Variants in COL4A5 observed in about 807,000 individuals in gnomAD.
The protein encoded by COL4A5 is collagen type IV alpha 5 chain.
Under a neutral mutation model 130.2 loss-of-function variants are expected in COL4A5, and 26 were observed. That is an observed-to-expected ratio of 0.20 (90% CI 0.15 to 0.28). The LOEUF (loss-of-function observed/expected upper bound fraction) is 0.28. COL4A5 is among the 10% of genes least tolerant of loss of function. COL4A5 has a pLI of 1.00. For missense variants in COL4A5, 1,131 were observed against 1,344.3 expected (o/e 0.84, Z 2.48); for synonymous variants, 496 against 439.6 (o/e 1.13, Z -1.60).
rs190847404 is a variant in COL4A5, at chrX:108,627,086, T to A, written c.3246+737T>A. 242 of 650,849 alleles carry A rather than the reference T, an allele frequency of 3.7e-4. No homozygotes were observed. The African/African-American group carries it at 5.5e-3, about 15-fold the overall frequency. 53.6% of individuals were successfully genotyped at this position (650,849 alleles called of 1,213,427 possible). A position where few individuals can be genotyped will look rare whatever the true frequency, so the allele number is the denominator to read the frequency against. On this transcript the variant is annotated intron_variant, in intron 36 of 52. Coordinates refer to ENST00000328300, the MANE Select transcript of COL4A5 (RefSeq NM_033380.3). ...TCTTTTAATATTATATAAAAATACT[T>A]TATTTTGATCATCTAATTGATCAAT...
chrX:108,464,496 C>A (rs1299286931), intron 1 of COL4A5, among the ~76,000 whole-genome samples: 1 of 111,638 alleles, frequency 9.0e-6, no homozygotes, highest in Non-Finnish European at 1.9e-5. Context: ...AATTACCTTG[C>A]ACATTTTTAT....
chrX:108,520,088 A>G (rs1009407560), intron 1 of COL4A5, among the ~76,000 whole-genome samples: 4 of 111,179 alleles, frequency 3.6e-5, no homozygotes, highest in Non-Finnish European at 7.6e-5. Context: ...ATATTTTTGC[A>G]TCTGTATTCA....
At chrX:108,488,051 G>T (rs2064963710) in intron 1 of COL4A5, among the ~76,000 whole-genome samples, 1 of 111,786 alleles carries the variant, frequency 8.9e-6, no homozygotes, top group African/African-American at 3.2e-5. Context: ...CATTCATGTG[G>T]TTCAGAATTT....
At chrX:108,473,595 T>TTATATATATATATATGTATATATATATA (rs1569474829) in intron 1 of COL4A5, among the ~76,000 whole-genome samples, 4 of 59,560 alleles carry the variant, frequency 6.7e-5, no homozygotes, top group Non-Finnish European at 1.1e-4. Flanking sequence ...ATATAAAGTT[T>TTATATATATATATATGTATATATATATA]TATATATATA....
intron 49 of COL4A5, among the ~76,000 whole-genome samples, chrX:108,688,850 T>C (rs1035647697): frequency 1.8e-5 from 2 of 111,734 alleles, no homozygotes; most frequent in Non-Finnish European, 3.8e-5. Context: ...GAGATCTCAT[T>C]GTCTGGGCCA....
chrX:108,451,548 G>C (rs1373723979), intron 1 of COL4A5, among the ~76,000 whole-genome samples: 1 of 111,133 alleles, frequency 9.0e-6, no homozygotes, highest in African/African-American at 3.3e-5. Context: ...TAACTGGTGT[G>C]AGATGGTATC....
intron 15 of COL4A5, 35 bp from the exon 16 acceptor site, chrX:108,580,948 A>G: frequency 8.5e-7 from 1 of 1,172,219 alleles, no homozygotes; most frequent in East Asian, 3.0e-5. Flanking sequence ...TAACAAATGT[A>G]TGTTGTTGCC....
intron 1 of COL4A5, among the ~76,000 whole-genome samples, chrX:108,482,569 T>G (rs143676881): frequency 1.4e-3 from 161 of 111,285 alleles, no homozygotes; most frequent in Non-Finnish European, 2.5e-3. Context: ...TATCAGGGTC[T>G]CCCCACACAT....
intron 1 of COL4A5, among the ~76,000 whole-genome samples, chrX:108,451,969 A>T (rs924241540): frequency 2.7e-5 from 3 of 111,929 alleles, no homozygotes; most frequent in Non-Finnish European, 5.6e-5. Flanking sequence ...TCTAACATTT[A>T]AGTCTTTAAT....
In COL4A5 at chrX:108,666,400, A is replaced by T. The variant is rs936537784; in HGVS notation, c.3455-96A>T. 6 of 608,723 alleles carry T rather than the reference A, an allele frequency of 9.9e-6. No homozygotes were observed. In the Admixed American group the frequency reaches 1.6e-4, roughly 17 times the overall value. 50.2% of individuals were successfully genotyped at this position (608,723 alleles called of 1,213,427 possible). On this transcript the variant is annotated intron_variant, in intron 38 of 52. Coordinates refer to ENST00000328300, the MANE Select transcript of COL4A5 (RefSeq NM_033380.3). The stretch of plus-strand genomic sequence containing the variant: ...TGATCCAAAGGAGTGTCTCAAAAGC[A>T]CCTTGTTTCTTTTGGATAAAGAAGG...
intron 16 of COL4A5, chrX:108,582,621 A>T (rs758535602): frequency 1.5e-4 from 53 of 347,866 alleles, no homozygotes; most frequent in African/African-American, 1.3e-3. Context: ...TTAAAATGCC[A>T]TAAATCTCTG....
At chrX:108,544,645 C>CT (rs770531604) in intron 2 of COL4A5, among the ~76,000 whole-genome samples, 10,116 of 105,855 alleles carry the variant, frequency 0.096, 1,128 homozygotes, top group African/African-American at 0.31. Flanking sequence ...GGAGGATTCC[C>CT]TTTTTTTTTT....
At position 108,697,195 on chromosome X, in the gene COL4A5, C is replaced by T. The variant is rs2068749935; in HGVS notation, c.*817C>T. 9.0e-6 allele frequency: 1 copy of T among 110,842 alleles called. No homozygotes were observed. The highest frequency in any genetic ancestry group is 1.9e-5 in the Non-Finnish European group (1 of 52,952). 9.1% of individuals were successfully genotyped at this position (110,842 alleles called of 1,213,427 possible). ...AGATTATCTCTTAAGACCATATGCC[C>T]CCTGTTTTAATGTTTCTTACATCTT... On this transcript the variant is annotated 3_prime_UTR_variant, in exon 53 of 53. Transcript: ENST00000328300.
intron 31 of COL4A5, 98 bp from the exon 32 acceptor site, chrX:108,621,705 C>T: frequency 3.0e-6 from 2 of 668,260 alleles, no homozygotes; most frequent in Non-Finnish European, 4.8e-6. Flanking sequence ...TGCCTTACGT[C>T]CAACCCTCAA....
chrX:108,575,252 A>G (rs996075573), intron 9 of COL4A5, among the ~76,000 whole-genome samples: 1 of 111,443 alleles, frequency 9.0e-6, no homozygotes, highest in East Asian at 2.8e-4. Context: ...TCTGTCTTTA[A>G]TCTTATCTAT....
chrX:108,614,883 A>G (rs1054525398), intron 29 of COL4A5, 28 bp from the exon 30 acceptor site: 1 of 1,053,486 alleles, frequency 9.5e-7, no homozygotes, highest in East Asian at 3.0e-5. Context: ...GTTGCTTTTA[A>G]TATTTAAACT....
intron 1 of COL4A5, among the ~76,000 whole-genome samples, chrX:108,533,401 ATCT>A (rs2065412337): frequency 8.9e-6 from 1 of 111,816 alleles, no homozygotes; most frequent in Non-Finnish European, 1.9e-5. Flanking sequence ...AAAGACTTAA[ATCT>A]TCTTTTGCAC....
intron 1 of COL4A5, among the ~76,000 whole-genome samples, chrX:108,468,675 T>C (rs1256973599): frequency 9.1e-6 from 1 of 110,128 alleles, no homozygotes; most frequent in Non-Finnish European, 1.9e-5. Flanking sequence ...TGGGTTTTCT[T>C]GTATTGAACC....
At chrX:108,445,471 T>G (rs1362924179) in intron 1 of COL4A5, among the ~76,000 whole-genome samples, 1 of 112,491 alleles carries the variant, frequency 8.9e-6, no homozygotes, top group Non-Finnish European at 1.9e-5. Flanking sequence ...AAAATCATTT[T>G]GTGCTAGACA....
Sources: allele counts gnomAD v4.1 joint callset (sites outside exome capture counted in the v4.1 genomes callset), GRCh38; gene constraint gnomAD v4.1.1; transcripts MANE v1.5; gene names NCBI Gene and HGNC (gene_info 2026-07-23, HGNC 2026-07-21).